MTHFD2L: variants seen among roughly 807,000 people sequenced by gnomAD.
The protein encoded by MTHFD2L is methylenetetrahydrofolate dehydrogenase (NADP+ dependent) 2 like, also known as bifunctional methylenetetrahydrofolate dehydrogenase/cyclohydrolase 2, mitochondrial.
Under a neutral mutation model 34.9 loss-of-function variants are expected in MTHFD2L, and 29 were observed. The observed-to-expected ratio is 0.83, with a 90% CI of 0.62 to 1.13. The LOEUF (loss-of-function observed/expected upper bound fraction) is 1.13, where lower values mean the gene tolerates loss of function less well. Ranked by LOEUF, MTHFD2L falls within the 50% of genes most tolerant of loss-of-function variation. The pLI, the probability that MTHFD2L is intolerant of heterozygous loss-of-function variation, is 0.00. For missense variants in MTHFD2L, 481 were observed against 446.5 expected, an observed-to-expected ratio of 1.08 and a Z score of -0.70; for synonymous variants, 167 against 155.7, an observed-to-expected ratio of 1.07 and a Z score of -0.54.
chr4:74,254,304 TG>T (rs1387263278), intron 6 of MTHFD2L, among the ~76,000 whole-genome samples: 1 of 152,086 alleles, frequency 6.6e-6, no homozygotes, highest in East Asian at 1.9e-4. Context: ...CCAAATAGAT[TG>T]AACCAAAAGA....
At chr4:74,251,530 G>A (rs1396116019) in intron 6 of MTHFD2L, among the ~76,000 whole-genome samples, 3 of 152,100 alleles carry the variant, frequency 2.0e-5, no homozygotes, top group Non-Finnish European at 4.4e-5. Flanking sequence ...GCTTTGTTGT[G>A]TAGTCAGATT....
chr4:74,137,493 G>A (rs907230672), intron 1 of MTHFD2L, among the ~76,000 whole-genome samples: 11 of 152,078 alleles, frequency 7.2e-5, no homozygotes, highest in African/African-American at 2.7e-4. Context: ...TGTGGAGAAA[G>A]GGGAATTCTC....
At chr4:74,287,589 A>T (rs1259915800) in intron 7 of MTHFD2L, among the ~76,000 whole-genome samples, 1 of 152,174 alleles carries the variant, frequency 6.6e-6, no homozygotes, top group Admixed American at 6.5e-5. Context: ...TCTACTAAAA[A>T]TACAAAAATT....
chr4:74,292,162 C>G (rs901867970), intron 7 of MTHFD2L, among the ~76,000 whole-genome samples: 2 of 152,174 alleles, frequency 1.3e-5, no homozygotes, highest in Non-Finnish European at 2.9e-5. Flanking sequence ...TCAACTGCCT[C>G]CATTGTGGCT....
At chr4:74,197,157 A>G (rs1052807611) in intron 3 of MTHFD2L, among the ~76,000 whole-genome samples, 1 of 152,128 alleles carries the variant, frequency 6.6e-6, no homozygotes, top group Non-Finnish European at 1.5e-5. Context: ...TTTATCATTC[A>G]TTTGGGTAAG....
chr4:74,265,757 T>C (rs1745211036), intron 6 of MTHFD2L, among the ~76,000 whole-genome samples: 2 of 152,204 alleles, frequency 1.3e-5, no homozygotes, highest in South Asian at 4.1e-4. Context: ...AATATTAAAA[T>C]ACATTGTAAA....
chr4:74,300,221 C>T (rs1032095432), intron 7 of MTHFD2L, among the ~76,000 whole-genome samples: 2 of 151,812 alleles, frequency 1.3e-5, no homozygotes, highest in Non-Finnish European at 2.9e-5. Flanking sequence ...TTATAGCATC[C>T]CATCAGAAAA....
At chr4:74,282,043 TAGAG>T (rs915178077) in intron 7 of MTHFD2L, among the ~76,000 whole-genome samples, 1 of 152,092 alleles carries the variant, frequency 6.6e-6, no homozygotes, top group Admixed American at 6.6e-5. Context: ...ACTTGTGTTT[TAGAG>T]AGAATAAAGA....
intron 6 of MTHFD2L, among the ~76,000 whole-genome samples, chr4:74,266,523 C>T (rs1414736826): frequency 1.3e-5 from 2 of 152,030 alleles, no homozygotes; most frequent in African/African-American, 2.4e-5. Flanking sequence ...TTTGGATTTC[C>T]AAAACCAAAA....
At chr4:74,219,501 G>A (rs9995671) in intron 5 of MTHFD2L, among the ~76,000 whole-genome samples, 490 of 152,192 alleles carry the variant, frequency 3.2e-3, no homozygotes, top group Non-Finnish European at 5.0e-3. Context: ...AAAAAATTAG[G>A]TGCAGCAAGC....
chr4:74,137,544 T>C (rs1200049696), intron 1 of MTHFD2L, among the ~76,000 whole-genome samples: 1 of 151,942 alleles, frequency 6.6e-6, no homozygotes, highest in African/African-American at 2.4e-5. Flanking sequence ...GTACAGAAGA[T>C]TGTACAGAGG....
chr4:74,141,519 G>T (rs145274760), intron 1 of MTHFD2L, among the ~76,000 whole-genome samples: 1 of 151,960 alleles, frequency 6.6e-6, no homozygotes, highest in African/African-American at 2.4e-5. Flanking sequence ...CTTGTTTCTC[G>T]CTTTGATTAC....
intron 1 of MTHFD2L, chr4:74,164,869 C>A: frequency 1.6e-6 from 1 of 615,052 alleles, no homozygotes; most frequent in Non-Finnish European, 2.0e-6. Context: ...GCTAGCCCAG[C>A]AGTAGGCTGG....
rs1004727732 is a variant in MTHFD2L at position 74,228,054 on chromosome 4, T to C, written c.805+2660T>C. 9.2e-5 allele frequency among the ~76,000 whole-genome samples: 14 copies of C among 152,254 alleles called. 1 individual carries two copies. The highest frequency in any genetic ancestry group is 3.4e-4 in the African/African-American group (14 of 41,558). On this transcript the variant is annotated intron_variant, in intron 6 of 7. Transcript: ENST00000325278. Reference sequence around the variant, plus strand: ...AGAGTAAAAATAGAAATGTTCTTTTTCCCAGAAAAAAAATCAGTAAGCTGG... The same window carrying C: ...AGAGTAAAAATAGAAATGTTCTTTTCCCCAGAAAAAAAATCAGTAAGCTGG...
intron 3 of MTHFD2L, among the ~76,000 whole-genome samples, chr4:74,179,251 A>G (rs1729639852): frequency 6.6e-6 from 1 of 152,088 alleles, no homozygotes; most frequent in Non-Finnish European, 1.5e-5. Flanking sequence ...GGCATAACGT[A>G]AGCACATATA....
chr4:74,236,346 G>T lies in MTHFD2L; in HGVS notation c.805+10952G>T, dbSNP rs948700169. On this transcript the variant is annotated intron_variant, in intron 6 of 7. Coordinates refer to ENST00000325278, the MANE Select transcript of MTHFD2L (RefSeq NM_001144978.3). ...TCAATTCCTTATGGCTTGATTTTTT[G>T]ATTTCTAAACTAGATTGCCTAAATT... Among the ~76,000 whole-genome samples the T allele has an allele frequency of 1.2e-4, 19 of 152,116 alleles. 1 individual carries two copies. In the East Asian group the frequency reaches 3.1e-3, roughly 25 times the overall value.
At position 74,207,165 on chromosome 4, in the gene MTHFD2L, G is replaced by A. The variant is rs149994294; in HGVS notation, c.712+5795G>A. On this transcript the variant is annotated intron_variant, in intron 5 of 7. Coordinates refer to ENST00000325278, the MANE Select transcript of MTHFD2L (RefSeq NM_001144978.3). Reference sequence around the variant, plus strand: ...TCTGCCTGCCTCCACCTCTCAAAATGTTGAGATTACAGACGTGAGCCACTG... The same window carrying A: ...TCTGCCTGCCTCCACCTCTCAAAATATTGAGATTACAGACGTGAGCCACTG... Among the ~76,000 whole-genome samples the A allele has an allele frequency of 3.6e-3, 553 of 152,178 alleles. 6 individuals are homozygous for A. Among genetic ancestry groups the A allele is most frequent in the African/African-American group, 0.013 (537 of 41,532 alleles).
At position 74,298,218 on chromosome 4, in the gene MTHFD2L, A is replaced by G. The variant is rs527608117; in HGVS notation, c.932-3479A>G. Among the ~76,000 whole-genome samples, 217 of 152,154 alleles carry G rather than the reference A, an allele frequency of 1.4e-3. 2 individuals carry two copies. The highest frequency in any genetic ancestry group is 2.5e-3 in the Non-Finnish European group (170 of 67,966). Reference sequence around the variant, plus strand: ...TTAATAACCAGGTGTGTTTACAATGATATTATAATCTTCTGCCTCGTGAAT... The same window carrying G: ...TTAATAACCAGGTGTGTTTACAATGGTATTATAATCTTCTGCCTCGTGAAT... On this transcript the variant is annotated intron_variant, in intron 7 of 7. Transcript: ENST00000325278.
At chr4:74,156,047 A>T (rs1043955373), upstream of MTHFD2L, among the ~76,000 whole-genome samples, 1 of 152,132 alleles carries the variant, frequency 6.6e-6, no homozygotes, top group Non-Finnish European at 1.5e-5. Flanking sequence ...CTTGATTCTG[A>T]TAACACTGCA....
Sources: allele counts gnomAD v4.1 joint callset (sites outside exome capture counted in the v4.1 genomes callset), GRCh38; gene constraint gnomAD v4.1.1; transcripts MANE v1.5; gene names NCBI Gene and HGNC (gene_info 2026-07-23, HGNC 2026-07-21).